The following ABCA8 variants were observed in gnomAD, a reference collection of about 807,000 sequenced individuals.
The protein encoded by ABCA8 is ABC-type organic anion transporter ABCA8.
In ABCA8, 177 loss-of-function variants were observed where a neutral mutation model predicts 192.3. That is an observed-to-expected ratio of 0.92 (90% CI 0.81 to 1.04). ABCA8 has a LOEUF of 1.04. Ranked by LOEUF, ABCA8 falls within the 50% of genes least tolerant of loss-of-function variation. The pLI, the probability that ABCA8 is intolerant of heterozygous loss-of-function variation, is 0.00. For synonymous variants in ABCA8, 642 were observed against 690.2 expected (o/e 0.93, Z 1.09); for missense variants, 1,915 against 1,904.8 (o/e 1.01, Z -0.10).
intron 32 of ABCA8, chr17:68,880,843 G>C (rs1248458938): frequency 2.3e-6 from 1 of 443,642 alleles, no homozygotes; most frequent in African/African-American, 2.0e-5. Context: ...TGAGTGGACA[G>C]AATGAGCCCA....
chr17:68,883,360 A>G lies in ABCA8; in HGVS notation c.3707+431T>C, dbSNP rs185637007. ...GGTGCCGAAAATAGTCTCAGCTTTTAAGTCCCATTAATAACTGAACCAGTC... is the reference window on the plus strand; with the variant it reads ...GGTGCCGAAAATAGTCTCAGCTTTTGAGTCCCATTAATAACTGAACCAGTC... On this transcript the variant is annotated intron_variant, in intron 29 of 39. Transcript: ENST00000586539. Among the ~76,000 whole-genome samples, 9 of 152,328 alleles carry G rather than the reference A, an allele frequency of 5.9e-5. No individual in the cohort carries two copies. In the East Asian group the frequency reaches 1.7e-3, roughly 29 times the overall value.
intron 32 of ABCA8, chr17:68,877,925 G>T: frequency 2.5e-6 from 1 of 392,586 alleles, no homozygotes; most frequent in Non-Finnish European, 4.5e-6. Context: ...TGTGGTGCCT[G>T]TCCATCCTGG....
At chr17:68,937,874 AAT>A (rs57372776) in intron 4 of ABCA8, among the ~76,000 whole-genome samples, 3,448 of 152,192 alleles carry the variant, frequency 0.023, 131 homozygotes, top group African/African-American at 0.078. Context: ...ATAGAATATT[AAT>A]AGAGTACAGA....
intron 2 of ABCA8, among the ~76,000 whole-genome samples, chr17:68,943,575 T>C (rs1598294129): frequency 6.6e-6 from 1 of 152,188 alleles, no homozygotes; most frequent in Non-Finnish European, 1.5e-5. Flanking sequence ...TCTATAAAAT[T>C]ATAACTTTTC....
At chr17:68,904,635 A>G (rs1222870631) in intron 19 of ABCA8, among the ~76,000 whole-genome samples, 1 of 152,196 alleles carries the variant, frequency 6.6e-6, no homozygotes, top group African/African-American at 2.4e-5. Context: ...ATAACTGACT[A>G]GAATCATGGG....
intron 19 of ABCA8, among the ~76,000 whole-genome samples, 156 bp downstream of exon 19, chr17:68,905,888 T>C (rs762790282): frequency 1.3e-5 from 2 of 152,200 alleles, no homozygotes; most frequent in African/African-American, 4.8e-5. Context: ...TATTTTTAAC[T>C]ACAAAGCAAT....
chr17:68,876,791 C>A (rs1262171756), intron 33 of ABCA8, 88 bp from the exon 34 acceptor site: 56 of 1,517,084 alleles, frequency 3.7e-5, no homozygotes, highest in Non-Finnish European at 4.9e-5. Flanking sequence ...AAGCAGAACT[C>A]AAAAATGCAG....
chr17:68,872,845 T>C (rs112929066), intron 37 of ABCA8, among the ~76,000 whole-genome samples: 78 of 152,184 alleles, frequency 5.1e-4, no homozygotes, highest in African/African-American at 1.5e-3. Flanking sequence ...GCTTATAGAA[T>C]ATGGATATGA....
At position 68,955,323 on chromosome 17, in the gene ABCA8, T is replaced by C. The variant is rs997601080; in HGVS notation, c.-271A>G. Reference sequence around the variant, plus strand: ...TTTCTCCTGGTCTCTACCATGTATCTAGAATTTGCTTTAACTATTTGACTT... The same window carrying C: ...TTTCTCCTGGTCTCTACCATGTATCCAGAATTTGCTTTAACTATTTGACTT... On this transcript the variant is annotated 5_prime_UTR_variant, in exon 1 of 40. Coordinates refer to ENST00000586539, the MANE Select transcript of ABCA8 (RefSeq NM_001288985.2). 2.0e-5 allele frequency: 3 copies of C among 152,218 alleles called. No homozygotes were observed. The highest frequency in any genetic ancestry group is 7.2e-5 in the African/African-American group (3 of 41,470). 9.4% of individuals were successfully genotyped at this position (152,218 alleles called of 1,614,324 possible).
Position 68,887,633 on chromosome 17 carries a change from A to G in ABCA8, c.3145-127T>C, listed in dbSNP as rs961136072. The G allele has an allele frequency of 1.0e-5, 8 of 774,064 alleles. No homozygotes were observed. The African/African-American group carries it at 1.1e-4, about 10-fold the overall frequency. The allele number at this position is 774,064 out of a possible 1,614,324, so 47.9% of individuals were successfully genotyped here. ...TATGTCTACAAATGTAATCTGGACT[A>G]AGGGATGTGGATAGTTACAAACATA... On this transcript the variant is annotated intron_variant, in intron 24 of 39. Coordinates refer to ENST00000586539, the MANE Select transcript of ABCA8 (RefSeq NM_001288985.2).
At chr17:68,948,335 T>C (rs1342094762) in intron 2 of ABCA8, among the ~76,000 whole-genome samples, 1 of 152,208 alleles carries the variant, frequency 6.6e-6, no homozygotes, top group African/African-American at 2.4e-5. Flanking sequence ...TCTTCCACAA[T>C]GGTTGAACTA....
At chr17:68,919,699 A>C (rs1315291426) in intron 13 of ABCA8, 1 of 434,806 alleles carries the variant, frequency 2.3e-6, no homozygotes, top group Admixed American at 3.6e-5. Context: ...AGCTTTGCCT[A>C]TATACCCTGT....
chr17:68,875,249 A>G lies in ABCA8; in HGVS notation c.4631+11T>C. ...ATTTGGTACCATTTCCAAAACAGCA[A>G]CCATGTTTACCTTTCCTGCCGAGCA... On this transcript the variant is annotated intron_variant, in intron 37 of 39. Coordinates refer to ENST00000586539, the MANE Select transcript of ABCA8 (RefSeq NM_001288985.2). 1 of 1,613,036 alleles carries G rather than the reference A, an allele frequency of 6.2e-7. No homozygotes were observed. Among genetic ancestry groups the G allele is most frequent in the Non-Finnish European group, 8.5e-7 (1 of 1,179,976 alleles).
intron 23 of ABCA8, among the ~76,000 whole-genome samples, chr17:68,892,667 A>G (rs1420163806): frequency 6.6e-6 from 1 of 152,230 alleles, no homozygotes; most frequent in Non-Finnish European, 1.5e-5. Context: ...TCACAGTCAC[A>G]AAATGTTAAT....
chr17:68,891,747 C>G, intron 23 of ABCA8, 151 bp from the exon 24 acceptor site: 1 of 566,448 alleles, frequency 1.8e-6, no homozygotes, highest in Non-Finnish European at 3.0e-6. Context: ...TTCCAGTTTT[C>G]ACACTTAACT....
intron 8 of ABCA8, 132 bp downstream of exon 8, chr17:68,929,429 G>C: frequency 8.4e-7 from 1 of 1,196,948 alleles, no homozygotes; most frequent in Non-Finnish European, 1.2e-6. Context: ...AAATCAAATT[G>C]TACCTGTTTA....
chr17:68,945,807 A>G (rs1006859612), intron 2 of ABCA8, among the ~76,000 whole-genome samples: 3 of 151,770 alleles, frequency 2.0e-5, no homozygotes, highest in African/African-American at 4.8e-5. Flanking sequence ...GTTTGTGTGT[A>G]TATGTGTGTG....
intron 32 of ABCA8, chr17:68,880,872 T>C (rs1598190941): frequency 2.0e-6 from 1 of 497,934 alleles, no homozygotes; most frequent in East Asian, 3.8e-5. Flanking sequence ...GAGCCAAACT[T>C]GGGCAAAGGC....
rs1465220002 is a variant in ABCA8 at position 68,912,366 on chromosome 17, C to T, written c.2139-4487G>A. On this transcript the variant is annotated intron_variant, in intron 17 of 39. Coordinates refer to ENST00000586539, the MANE Select transcript of ABCA8 (RefSeq NM_001288985.2). The stretch of plus-strand genomic sequence containing the variant: ...TCTCTCAAGCAGAAGAATCAATGAG[C>T]TTGAAGACAGGCTATTTGAAAATAC... Among the ~76,000 whole-genome samples the T allele has an allele frequency of 2.6e-5, 4 of 152,030 alleles. No homozygotes were observed. The East Asian group carries it at 7.7e-4, about 29-fold the overall frequency.
Sources: gnomAD v4.1 joint callset for allele counts (sites outside exome capture counted in the v4.1 genomes callset) on GRCh38, gnomAD v4.1.1 for gene constraint, MANE v1.5 for transcripts, NCBI Gene and HGNC (gene_info 2026-07-23, HGNC 2026-07-21) for gene names.